TAFA1: variants seen among roughly 807,000 people sequenced by gnomAD.
TAFA1 encodes the protein chemokine-like protein TAFA-1.
TAFA1 carries 4 observed loss-of-function variants against 18.5 expected under a neutral mutation model. The ratio of observed to expected loss-of-function variants is 0.22; its 90% confidence interval spans 0.11 to 0.49. TAFA1 has a LOEUF of 0.49. Among genes scored for constraint, TAFA1 ranks in the 20% least tolerant of loss-of-function variants. The pLI, the probability that TAFA1 is intolerant of heterozygous loss-of-function variation, is 0.98. For missense variants in TAFA1, 147 were observed against 169.0 expected (o/e 0.87, Z 0.72); for synonymous variants, 56 against 55.2 (o/e 1.01, Z -0.06).
chr3:68,136,593 G>A (rs918205578), intron 2 of TAFA1, among the ~76,000 whole-genome samples: 1 of 152,128 alleles, frequency 6.6e-6, no homozygotes, highest in African/African-American at 2.4e-5. Context: ...TTCACAGGGC[G>A]CATTCGTTGC....
In TAFA1 at chr3:68,306,510, G is replaced by C. The variant is rs1214121528; in HGVS notation, c.119-110770G>C. Among the ~76,000 whole-genome samples, 7 of 152,284 alleles carry C rather than the reference G, an allele frequency of 4.6e-5. No homozygotes were observed. In the East Asian group the frequency reaches 9.7e-4, roughly 21 times the overall value. On this transcript the variant is annotated intron_variant, in intron 2 of 4. Transcript: ENST00000478136. ...CTCACATATACAGTTGTGCTTGTGT[G>C]TGTGTGTGTATGTTTAAATTTACAT...
At chr3:68,430,068 C>T (rs1468194892) in intron 3 of TAFA1, among the ~76,000 whole-genome samples, 1 of 151,946 alleles carries the variant, frequency 6.6e-6, no homozygotes, top group Non-Finnish European at 1.5e-5. Flanking sequence ...ATGGAACCTA[C>T]AGTCCAGCAG....
chr3:68,265,914 T>C (rs1425100713), intron 2 of TAFA1, among the ~76,000 whole-genome samples: 1 of 152,088 alleles, frequency 6.6e-6, no homozygotes, highest in African/African-American at 2.4e-5. Flanking sequence ...TGCCTGAAAG[T>C]AAAAGTTCAG....
intron 2 of TAFA1, among the ~76,000 whole-genome samples, chr3:68,167,741 G>A (rs2066001739): frequency 6.6e-6 from 1 of 152,066 alleles, no homozygotes; most frequent in Non-Finnish European, 1.5e-5. Flanking sequence ...CTGTACCAAA[G>A]AACACCTAAC....
At chr3:68,143,886 T>C (rs1272196601) in intron 2 of TAFA1, among the ~76,000 whole-genome samples, 1 of 152,190 alleles carries the variant, frequency 6.6e-6, no homozygotes, top group Non-Finnish European at 1.5e-5. Context: ...CCTAGTTTGG[T>C]TCCTCTGTGT....
At chr3:68,447,374 G>C (rs1354544265) in intron 3 of TAFA1, among the ~76,000 whole-genome samples, 2 of 152,122 alleles carry the variant, frequency 1.3e-5, no homozygotes, top group Non-Finnish European at 2.9e-5. Flanking sequence ...CAAACTGTTG[G>C]CTACTCCATT....
intron 3 of TAFA1, among the ~76,000 whole-genome samples, chr3:68,476,128 A>C (rs951479686): frequency 2.0e-5 from 3 of 152,332 alleles, no homozygotes; most frequent in Non-Finnish European, 4.4e-5. Flanking sequence ...TCATGTCTAA[A>C]ACACCGAAAG....
chr3:68,268,019 G>GC, intron 2 of TAFA1, among the ~76,000 whole-genome samples: 1 of 152,250 alleles, frequency 6.6e-6, no homozygotes, highest in South Asian at 2.1e-4. Flanking sequence ...GCCATTGACA[G>GC]CCCAGAGAAT....
intron 3 of TAFA1, among the ~76,000 whole-genome samples, chr3:68,520,868 C>T (rs537446209): frequency 6.6e-5 from 10 of 152,300 alleles, no homozygotes; most frequent in African/African-American, 2.2e-4. Flanking sequence ...TAGAAAATAG[C>T]AGCAATCTGG....
At chr3:68,380,580 T>A (rs1005068668) in intron 2 of TAFA1, among the ~76,000 whole-genome samples, 1 of 152,212 alleles carries the variant, frequency 6.6e-6, no homozygotes, top group African/African-American at 2.4e-5. Flanking sequence ...TTGAGAAGTG[T>A]CTGTTCATAT....
At chr3:68,124,615 A>T (rs2065442312) in intron 2 of TAFA1, among the ~76,000 whole-genome samples, 1 of 152,232 alleles carries the variant, frequency 6.6e-6, no homozygotes, top group African/African-American at 2.4e-5. Context: ...TTATTTCCAC[A>T]GTGTCTTAAA....
At chr3:68,318,110 A>G (rs1434048908) in intron 2 of TAFA1, among the ~76,000 whole-genome samples, 1 of 152,168 alleles carries the variant, frequency 6.6e-6, no homozygotes, top group South Asian at 2.1e-4. Context: ...TTTATAGTAC[A>G]TGTGTTGCCA....
intron 2 of TAFA1, among the ~76,000 whole-genome samples, chr3:68,210,774 A>C (rs987990578): frequency 6.6e-6 from 1 of 152,024 alleles, no homozygotes; most frequent in Non-Finnish European, 1.5e-5. Context: ...GTTATCTATT[A>C]CCACATAACA....
chr3:68,394,870 C>T (rs145010697), intron 2 of TAFA1, among the ~76,000 whole-genome samples: 1 of 152,098 alleles, frequency 6.6e-6, no homozygotes, highest in African/African-American at 2.4e-5. Context: ...AGGCAAATAC[C>T]ATTCAGGATA....
intron 2 of TAFA1, among the ~76,000 whole-genome samples, chr3:68,341,545 G>A (rs1019248749): frequency 2.6e-5 from 4 of 152,140 alleles, no homozygotes; most frequent in South Asian, 2.1e-4. Context: ...TTTGTTAGTC[G>A]TACAAAGGCA....
chr3:68,110,867 C>A (rs1305182247), intron 2 of TAFA1, among the ~76,000 whole-genome samples: 2 of 152,066 alleles, frequency 1.3e-5, no homozygotes, highest in South Asian at 2.1e-4. Flanking sequence ...TTGGTGGGTT[C>A]TATTATAAAC....
rs540956485 is a variant in TAFA1, at chr3:68,193,441, A to T, written c.118+186697A>T. Among the ~76,000 whole-genome samples, 432 of 151,904 alleles carry T rather than the reference A, an allele frequency of 2.8e-3. 1 individual carries two copies. The highest frequency in any genetic ancestry group is 9.4e-3 in the African/African-American group (388 of 41,496). On this transcript the variant is annotated intron_variant, in intron 2 of 4. Transcript: ENST00000478136. ...ACTTATCTAAAGCAACTGCCTTTGA[A>T]ACTTAAAACAGCAAACAAGAAAACA...
At chr3:68,490,103 AT>A (rs1463295475) in intron 3 of TAFA1, among the ~76,000 whole-genome samples, 1 of 152,224 alleles carries the variant, frequency 6.6e-6, no homozygotes, top group Non-Finnish European at 1.5e-5. Context: ...ATTTTGGGAA[AT>A]TTTAGCTTGA....
At chr3:68,100,020 C>G (rs559087529) in intron 2 of TAFA1, among the ~76,000 whole-genome samples, 1 of 152,020 alleles carries the variant, frequency 6.6e-6, no homozygotes, top group Non-Finnish European at 1.5e-5. Context: ...GGGAGAGGGA[C>G]AAGAGCTGAA....
Sources: gnomAD v4.1 joint callset for allele counts (sites outside exome capture counted in the v4.1 genomes callset) on GRCh38, gnomAD v4.1.1 for gene constraint, MANE v1.5 for transcripts, NCBI Gene and HGNC (gene_info 2026-07-23, HGNC 2026-07-21) for gene names.